The following SOD2 variants were observed in gnomAD, a reference collection of about 807,000 sequenced individuals.
SOD2 encodes superoxide dismutase 2.
SOD2 carries 11 observed loss-of-function variants against 27.0 expected under a neutral mutation model. The observed-to-expected ratio is 0.41, with a 90% CI of 0.26 to 0.67. The LOEUF is 0.67. SOD2 is among the 30% of genes least tolerant of loss of function. SOD2 has a pLI of 0.34. For missense variants in SOD2, 250 were observed against 274.5 expected (o/e 0.91, Z 0.63); for synonymous variants, 105 against 103.0 (o/e 1.02, Z -0.12).
Position 159,669,108 on chromosome 6 carries a change from T to C in SOD2, c.*13385A>G, listed in dbSNP as rs1779604043. On this transcript the variant is annotated 3_prime_UTR_variant, in exon 5 of 5. Transcript: ENST00000538183. ...TTATTAAATCAGAAAATTACAGCAT[T>C]TTTGTACATGAAAAAGCTTTCCCCC... 1 of 152,182 alleles carries C rather than the reference T, an allele frequency of 6.6e-6. No individual in the cohort carries two copies. Among genetic ancestry groups the C allele is most frequent in the African/African-American group, 2.4e-5 (1 of 41,442 alleles). 9.4% of individuals were successfully genotyped at this position (152,182 alleles called of 1,614,324 possible).
intron 1 of SOD2, among the ~76,000 whole-genome samples, chr6:159,711,943 CAT>C (rs1478471825): frequency 2.4e-5 from 3 of 123,344 alleles, no homozygotes; most frequent in Non-Finnish European, 5.3e-5. Flanking sequence ...CCACCACTCA[CAT>C]TGCTCTGATC....
At chr6:159,724,928 G>T (rs1778114008) in intron 1 of SOD2, among the ~76,000 whole-genome samples, 1 of 149,602 alleles carries the variant, frequency 6.7e-6, no homozygotes, top group Non-Finnish European at 1.5e-5. Flanking sequence ...GGGAAGAAGG[G>T]AGGGAAGAAG....
intron 1 of SOD2, among the ~76,000 whole-genome samples, chr6:159,719,625 C>CAAA (rs1159589385): frequency 1.6e-5 from 1 of 63,710 alleles, no homozygotes; most frequent in African/African-American, 6.2e-5. Context: ...CACCCTTTCT[C>CAAA]AAAAAAAAAA....
intron 1 of SOD2, chr6:159,742,036 T>C (rs1779286053): frequency 1.5e-6 from 2 of 1,295,830 alleles, no homozygotes; most frequent in Non-Finnish European, 2.2e-6. Flanking sequence ...TTCTAGTTTA[T>C]TTAATAAACT....
At chr6:159,751,782 C>T (rs1779829726) in intron 1 of SOD2, among the ~76,000 whole-genome samples, 1 of 152,188 alleles carries the variant, frequency 6.6e-6, no homozygotes, top group Non-Finnish European at 1.5e-5. Context: ...AAACATGCAG[C>T]CAGGCACGGT....
chr6:159,708,074 C>T (rs1375690373), intron 1 of SOD2, among the ~76,000 whole-genome samples: 2 of 152,214 alleles, frequency 1.3e-5, no homozygotes, highest in African/African-American at 4.8e-5. Flanking sequence ...AACAGCCCTT[C>T]ATGCTAAAAA....
chr6:159,693,285 C>G (rs1290085007), upstream of SOD2: 4 of 864,688 alleles, frequency 4.6e-6, no homozygotes, highest in Admixed American at 5.3e-5. Flanking sequence ...GCGCGGGGAG[C>G]AGGGCCGCGA....
intron 3 of SOD2, 22 bp from the exon 4 acceptor site, chr6:159,685,055 A>C: frequency 6.4e-7 from 1 of 1,564,360 alleles, no homozygotes; most frequent in Non-Finnish European, 8.6e-7. Flanking sequence ...AAAATCCAAA[A>C]CCACCCACAA....
intron 1 of SOD2, among the ~76,000 whole-genome samples, chr6:159,743,054 A>G (rs113798508): frequency 1.3e-5 from 2 of 151,624 alleles, no homozygotes; most frequent in African/African-American, 4.8e-5. Flanking sequence ...TTATTTATTT[A>G]TTTGTTTGTT....
intron 1 of SOD2, chr6:159,712,738 A>G (rs200459342): frequency 2.0e-4 from 86 of 433,404 alleles, no homozygotes; most frequent in Admixed American, 3.6e-4. Context: ...CACTCACACT[A>G]CTCAGACCAC....
At chr6:159,740,953 C>T (rs556491184) in intron 1 of SOD2, among the ~76,000 whole-genome samples, 73 of 152,086 alleles carry the variant, frequency 4.8e-4, no homozygotes, top group African/African-American at 1.6e-3. Flanking sequence ...CTGCCCGCCT[C>T]GGCCTCCCAA....
At position 159,678,833 on chromosome 6, in the gene SOD2, T is replaced by C. The variant is rs1213674105; in HGVS notation, c.*3660A>G. Reference sequence around the variant, plus strand: ...GGTAGACAGTGTCAGAATTGAATTATAGGACATCCAGCTGGTGTCCACTGG... The same window carrying C: ...GGTAGACAGTGTCAGAATTGAATTACAGGACATCCAGCTGGTGTCCACTGG... On this transcript the variant is annotated 3_prime_UTR_variant, in exon 5 of 5. Transcript: ENST00000538183. 6.6e-6 allele frequency: 1 copy of C among 152,232 alleles called. No individual in the cohort carries two copies. The highest frequency in any genetic ancestry group is 1.5e-5 in the Non-Finnish European group (1 of 68,040). 9.4% of individuals were successfully genotyped at this position (152,232 alleles called of 1,614,324 possible).
At chr6:159,731,536 A>G (rs916498380), upstream of SOD2, among the ~76,000 whole-genome samples, 69 of 152,226 alleles carry the variant, frequency 4.5e-4, 4 homozygotes, top group Non-Finnish European at 5.9e-5. Flanking sequence ...GGAGATGCCA[A>G]AGAATTCTGC....
upstream of SOD2, chr6:159,730,752 T>G (rs922801414): frequency 6.6e-6 from 1 of 152,240 alleles, no homozygotes; most frequent in Non-Finnish European, 1.5e-5. Context: ...TAAAAGTGAC[T>G]CTGAGAGTTG....
rs1045071752 is a variant in SOD2 at position 159,674,268 on chromosome 6, C to T, written c.*8225G>A. On this transcript the variant is annotated 3_prime_UTR_variant, in exon 5 of 5. Transcript: ENST00000538183. ...TTATGAAGCCAGCATCATCCTGATA[C>T]CAAAGCCTGGCAGAGACATAACAAA... 2.0e-5 allele frequency: 3 copies of T among 152,194 alleles called. No homozygotes were observed. Among genetic ancestry groups the T allele is most frequent in the Non-Finnish European group, 4.4e-5 (3 of 68,044 alleles). The allele number at this position is 152,194 out of a possible 1,614,324, so 9.4% of individuals were successfully genotyped here.
At chr6:159,699,385 C>A (rs1469695847) in intron 1 of SOD2, among the ~76,000 whole-genome samples, 3 of 152,132 alleles carry the variant, frequency 2.0e-5, no homozygotes, top group African/African-American at 7.2e-5. Flanking sequence ...TCTTCCCAAC[C>A]TAGTCTAGTG....
intron 3 of SOD2, among the ~76,000 whole-genome samples, chr6:159,685,471 A>G (rs564877095): frequency 1.3e-5 from 2 of 151,732 alleles, no homozygotes; most frequent in Admixed American, 1.3e-4. Context: ...CAAACTCCCA[A>G]CCTCAGGTGA....
chr6:159,694,930 G>A (rs756416036), upstream of SOD2, among the ~76,000 whole-genome samples: 17 of 152,074 alleles, frequency 1.1e-4, no homozygotes, highest in Admixed American at 3.9e-4. Flanking sequence ...ACGCAGACAA[G>A]AGCAGGGGTT....
At chr6:159,727,380 G>GAGGCGGGAGGCGGA, upstream of SOD2, 3 of 1,125,760 alleles carry the variant, frequency 2.7e-6, 1 homozygote, top group Non-Finnish European at 3.4e-6. Context: ...AGGCTGGCGG[G>GAGGCGGGAGGCGGA]AGGCGGGAGG....
Sources: allele counts gnomAD v4.1 joint callset (sites outside exome capture counted in the v4.1 genomes callset), GRCh38; gene constraint gnomAD v4.1.1; transcripts MANE v1.5; gene names NCBI Gene and HGNC (gene_info 2026-07-23, HGNC 2026-07-21).